Variants in NAALADL2 observed in about 807,000 individuals in gnomAD.
NAALADL2 encodes N-acetylated alpha-linked acidic dipeptidase like 2.
A neutral mutation model predicts 87.2 loss-of-function variants in NAALADL2; 76 were observed. That is an observed-to-expected ratio of 0.87 (90% CI 0.72 to 1.05). The LOEUF (loss-of-function observed/expected upper bound fraction) is 1.05. NAALADL2 is among the 50% of genes least tolerant of loss of function. The pLI is 0.00. For synonymous variants in NAALADL2, 354 were observed against 331.0 expected, an observed-to-expected ratio of 1.07 and a Z score of -0.75; for missense variants, 1,089 against 945.8, an observed-to-expected ratio of 1.15 and a Z score of -1.99.
intron 5 of NAALADL2, among the ~76,000 whole-genome samples, chr3:175,400,900 G>T (rs980918209): frequency 2.6e-5 from 4 of 152,082 alleles, no homozygotes; most frequent in Non-Finnish European, 2.9e-5. Context: ...GAATTAGCAC[G>T]TATTACCATT....
intron 5 of NAALADL2, among the ~76,000 whole-genome samples, chr3:175,344,021 C>T (rs1209520586): frequency 6.6e-6 from 1 of 152,008 alleles, no homozygotes; most frequent in Admixed American, 6.6e-5. Context: ...GTCTCCTAAA[C>T]CCAGTTCTGA....
intron 2 of NAALADL2, among the ~76,000 whole-genome samples, chr3:174,582,979 G>T (rs952968353): frequency 6.6e-6 from 1 of 152,134 alleles, no homozygotes; most frequent in Non-Finnish European, 1.5e-5. Flanking sequence ...AGTTCATCTG[G>T]CATGCAAATG....
At position 175,029,152 on chromosome 3, in the gene NAALADL2, C is replaced by T. The variant is rs1752535828; in HGVS notation, c.44-67638C>T. Among the ~76,000 whole-genome samples the T allele has an allele frequency of 2.0e-5, 3 of 151,700 alleles. No individual in the cohort carries two copies. In the Admixed American group the frequency reaches 2.0e-4, roughly 10 times the overall value. On this transcript the variant is annotated intron_variant, in intron 1 of 13. Coordinates refer to ENST00000454872, the MANE Select transcript of NAALADL2 (RefSeq NM_207015.3). ...CCCCAAATCCACAATGAGGACTTTA[C>T]ATGATGAACAAAAGATGTATGGTGG... is the stretch of plus-strand genomic sequence containing the variant.
rs114417686 is a variant in NAALADL2, at chr3:174,808,191, C to T, written c.-9+70445C>T. Among the ~76,000 whole-genome samples the T allele has an allele frequency of 2.6e-3, 392 of 152,128 alleles. 2 individuals carry two copies. The highest frequency in any genetic ancestry group is 9.1e-3 in the African/African-American group (377 of 41,508). ...GTATCATTTGCCATGAACAAATTCA[C>T]TATGAAGAGTTGATGCTTAGGAAAT... On this transcript the variant is annotated intron_variant, in intron 3 of 3. Transcript: ENST00000434257.
At chr3:174,722,572 G>A (rs565790243) in intron 2 of NAALADL2, among the ~76,000 whole-genome samples, 2 of 152,212 alleles carry the variant, frequency 1.3e-5, no homozygotes, top group East Asian at 3.9e-4. Context: ...CGCTGTGGCA[G>A]GTGCCTGTAA....
chr3:175,711,327 T>G (rs1417079828), intron 11 of NAALADL2, among the ~76,000 whole-genome samples: 2 of 151,942 alleles, frequency 1.3e-5, no homozygotes, highest in Non-Finnish European at 2.9e-5. Context: ...TAATGTTGAA[T>G]GATTAGAGAA....
intron 5 of NAALADL2, among the ~76,000 whole-genome samples, chr3:175,362,007 C>T (rs1222969527): frequency 6.8e-6 from 1 of 147,930 alleles, no homozygotes; most frequent in Non-Finnish European, 1.5e-5. Context: ...TTAGGTCTAA[C>T]GTTTAAGTCT....
At chr3:174,691,695 A>C in intron 2 of NAALADL2, among the ~76,000 whole-genome samples, 1 of 152,234 alleles carries the variant, frequency 6.6e-6, no homozygotes, top group East Asian at 1.9e-4. Flanking sequence ...TACCCATAGT[A>C]AAATTTCTCT....
At chr3:174,448,153 T>C (rs1020786847) in intron 1 of NAALADL2, among the ~76,000 whole-genome samples, 2 of 152,204 alleles carry the variant, frequency 1.3e-5, no homozygotes, top group Non-Finnish European at 2.9e-5. Context: ...ATTATTGACA[T>C]ACAGGAATTT....
At chr3:175,413,091 G>A (rs1477966639) in intron 5 of NAALADL2, among the ~76,000 whole-genome samples, 5 of 145,056 alleles carry the variant, frequency 3.4e-5, no homozygotes, top group African/African-American at 1.0e-4. Flanking sequence ...GGGTTTCACC[G>A]TGTTAGGCAG....
intron 1 of NAALADL2, among the ~76,000 whole-genome samples, chr3:175,007,639 C>T (rs1300044266): frequency 8.5e-5 from 13 of 152,144 alleles, no homozygotes; most frequent in Admixed American, 8.5e-4. Context: ...GTATGTCCTG[C>T]TTATCCTTGG....
chr3:174,773,131 CAG>C (rs1177651441), intron 3 of NAALADL2, among the ~76,000 whole-genome samples: 4 of 152,006 alleles, frequency 2.6e-5, no homozygotes, highest in Non-Finnish European at 4.4e-5. Context: ...GGACAGGTGA[CAG>C]AGAGTGAATG....
At chr3:174,798,299 TA>T (rs1195024815) in intron 3 of NAALADL2, among the ~76,000 whole-genome samples, 2 of 152,206 alleles carry the variant, frequency 1.3e-5, no homozygotes, top group Admixed American at 6.5e-5. Flanking sequence ...TTAATTGTTT[TA>T]AAAAAATTTT....
intron 2 of NAALADL2, among the ~76,000 whole-genome samples, chr3:174,719,399 T>A (rs1448197846): frequency 6.6e-6 from 1 of 152,224 alleles, no homozygotes; most frequent in Non-Finnish European, 1.5e-5. Flanking sequence ...CAATTGTGAT[T>A]TTAAAAGTTG....
At chr3:174,928,157 C>T (rs1736359096) in intron 1 of NAALADL2, among the ~76,000 whole-genome samples, 1 of 152,112 alleles carries the variant, frequency 6.6e-6, no homozygotes, top group African/African-American at 2.4e-5. Context: ...TCATTCAGTT[C>T]ACCATGTACA....
intron 9 of NAALADL2, among the ~76,000 whole-genome samples, chr3:175,489,425 G>A (rs909981648): frequency 1.3e-4 from 20 of 152,274 alleles, no homozygotes; most frequent in Admixed American, 9.2e-4. Flanking sequence ...ATATTAGAAA[G>A]GGGAGGAAAT....
At chr3:174,899,817 C>T (rs925089793) in intron 1 of NAALADL2, among the ~76,000 whole-genome samples, 2 of 151,002 alleles carry the variant, frequency 1.3e-5, no homozygotes, top group African/African-American at 4.9e-5. Flanking sequence ...CAGAAAAGAA[C>T]AATAAAATCA....
At chr3:174,509,300 A>C (rs113965091) in intron 1 of NAALADL2, among the ~76,000 whole-genome samples, 3,480 of 152,124 alleles carry the variant, frequency 0.023, 133 homozygotes, top group African/African-American at 0.08. Context: ...TCAGGCTGCT[A>C]TAAAAGAATA....
intron 4 of NAALADL2, among the ~76,000 whole-genome samples, chr3:175,258,772 G>C (rs772292336): frequency 6.6e-6 from 1 of 152,122 alleles, no homozygotes; most frequent in Non-Finnish European, 1.5e-5. Context: ...TGATAGAATG[G>C]TGTCTGATTT....
Sources: gnomAD v4.1 joint callset for allele counts (sites outside exome capture counted in the v4.1 genomes callset) on GRCh38, gnomAD v4.1.1 for gene constraint, MANE v1.5 for transcripts, NCBI Gene and HGNC (gene_info 2026-07-23, HGNC 2026-07-21) for gene names.